CDX2: variants seen among roughly 807,000 people sequenced by gnomAD.
CDX2 encodes the protein homeobox protein CDX-2.
A neutral mutation model predicts 25.5 loss-of-function variants in CDX2; 7 were observed. That is an observed-to-expected ratio of 0.27 (90% confidence interval 0.16 to 0.52). The LOEUF is 0.52. CDX2 is among the 20% of genes least tolerant of loss of function. The probability of loss-of-function intolerance (pLI) is 0.97; values close to 1 mark genes in which losing one functional copy is unlikely to be tolerated. For synonymous variants in CDX2, 222 were observed against 198.6 expected, an observed-to-expected ratio of 1.12 and a Z score of -0.99; for missense variants, 375 against 431.4, an observed-to-expected ratio of 0.87 and a Z score of 1.16.
At chr13:27,968,169 C>T (rs1012096667) in intron 1 of CDX2, among the ~76,000 whole-genome samples, 2 of 152,212 alleles carry the variant, frequency 1.3e-5, no homozygotes, top group African/African-American at 4.8e-5. Context: ...GTGCTCACGC[C>T]GACATTCCCC....
chr13:27,965,975 C>T (rs1320556982), intron 1 of CDX2, among the ~76,000 whole-genome samples: 1 of 152,170 alleles, frequency 6.6e-6, no homozygotes, highest in Non-Finnish European at 1.5e-5. Flanking sequence ...ATCTGAAGGG[C>T]CTGGGAGTTG....
Position 27,969,100 on chromosome 13 carries a change from T to TA in CDX2, c.-95_-94insT, listed in dbSNP as rs923451857. 1 of 945,410 alleles carries TA rather than the reference T, an allele frequency of 1.1e-6. No individual in the cohort carries two copies. Among genetic ancestry groups the TA allele is most frequent in the African/African-American group, 1.7e-5 (1 of 58,294 alleles). The allele number at this position is 945,410 out of a possible 1,614,324, so 58.6% of individuals were successfully genotyped here. A position where few individuals can be genotyped will look rare whatever the true frequency, so the allele number is the denominator to read the frequency against. On this transcript the variant is annotated 5_prime_UTR_variant, in exon 1 of 3. Transcript: ENST00000381020. ...CACGAAGGGAAAGGGGCGAGGGGACTCGAGGAGCGGCGGGTGGCTGCGCCC... is the reference window on the plus strand; with the variant it reads ...CACGAAGGGAAAGGGGCGAGGGGACTACGAGGAGCGGCGGGTGGCTGCGCCC...
chr13:27,962,787 A>C lies in CDX2; in HGVS notation c.*328T>G. ...TGCAGCCTGCAGATCTAGGAAGAGAAGAGCTGGGGAGGAGGATGAAGGCCT... is the reference window on the plus strand; with the variant it reads ...TGCAGCCTGCAGATCTAGGAAGAGACGAGCTGGGGAGGAGGATGAAGGCCT... On this transcript the variant is annotated 3_prime_UTR_variant, in exon 3 of 3. Transcript: ENST00000381020. 1 of 281,532 alleles carries C rather than the reference A, an allele frequency of 3.6e-6. No homozygotes were observed. The allele number at this position is 281,532 out of a possible 1,614,324, so 17.4% of individuals were successfully genotyped here.
chr13:27,968,449 G>A lies in CDX2; in HGVS notation c.541+17C>T. On this transcript the variant is annotated intron_variant, in intron 1 of 2. Transcript: ENST00000381020. ...GCCTTCCCAAGCACCCTCCGAAGGG[G>A]CGCAGCCTCTGCTTACCTTGGCTGC... 6.6e-7 allele frequency: 1 copy of A among 1,515,722 alleles called. No homozygotes were observed. Among genetic ancestry groups the A allele is most frequent in the Non-Finnish European group, 8.7e-7 (1 of 1,146,670 alleles). The allele number at this position is 1,515,722 out of a possible 1,614,324, so 93.9% of individuals were successfully genotyped here.
chr13:27,966,859 TC>T (rs1165037035), intron 1 of CDX2, among the ~76,000 whole-genome samples: 1 of 150,616 alleles, frequency 6.6e-6, no homozygotes, highest in Admixed American at 6.6e-5. Flanking sequence ...CCAGGCCGCG[TC>T]CCCCCCTCCA....
Position 27,963,229 on chromosome 13 carries a change from T to C in CDX2, c.828A>G (p.Arg276=), listed in dbSNP as rs1394783537. The C allele has an allele frequency of 1.2e-6, 2 of 1,614,178 alleles. No homozygotes were observed. Among genetic ancestry groups the C allele is most frequent in the Non-Finnish European group, 8.5e-7 (1 of 1,180,044 alleles). The part of the protein sequence containing the change: ...QPPQPQPGPL[R]SVPEPLSPVS... ...CCGGACTCAAGGGCTCTGGGACACT[T>C]CTCAGAGGACCTGGCTGAGGCTGGG... The change falls in exon 3 of 3, where the codon AGA becomes AGG. Residue 276 remains arginine, a synonymous_variant. Coordinates refer to ENST00000381020, the MANE Select transcript of CDX2 (RefSeq NM_001265.6).
rs1186525393 is a variant in CDX2 at position 27,968,584 on chromosome 13, G to A, written c.423C>T (p.Asn141=). Reference sequence around the variant, plus strand: ...TGGCGGCGGGCCCAGGAGGGCCGGGGTTGAGCGTTTGCAGCAGCCCAGAAG... The same window carrying A: ...TGGCGGCGGGCCCAGGAGGGCCGGGATTGAGCGTTTGCAGCAGCCCAGAAG... ...SCASGLLQTL[N]PGPPGPAATA... Residue 141 remains asparagine, a synonymous_variant, in exon 1 of 3, where the codon AAC becomes AAT. Coordinates refer to ENST00000381020, the MANE Select transcript of CDX2 (RefSeq NM_001265.6). 6.4e-7 allele frequency: 1 copy of A among 1,572,862 alleles called. No homozygotes were observed. The highest frequency in any genetic ancestry group is 1.1e-5 in the South Asian group (1 of 87,938).
intron 1 of CDX2, among the ~76,000 whole-genome samples, chr13:27,966,554 C>T (rs1869335907): frequency 6.6e-6 from 1 of 152,220 alleles, no homozygotes; most frequent in Admixed American, 6.5e-5. Flanking sequence ...CAGCCGAACA[C>T]CCCGGGAGGG....
At position 27,963,052 on chromosome 13, in the gene CDX2, A is replaced by G. The variant is rs914745843; in HGVS notation, c.*63T>C. On this transcript the variant is annotated 3_prime_UTR_variant, in exon 3 of 3. Coordinates refer to ENST00000381020, the MANE Select transcript of CDX2 (RefSeq NM_001265.6). Reference sequence around the variant, plus strand: ...GGGAGGGGTCTCTCCTGAGGAGTCTAGCAGAGTCCACGCTCCTCATGGCTC... The same window carrying G: ...GGGAGGGGTCTCTCCTGAGGAGTCTGGCAGAGTCCACGCTCCTCATGGCTC... 152 of 1,548,618 alleles carry G rather than the reference A, an allele frequency of 9.8e-5. No individual in the cohort carries two copies. The highest frequency in any genetic ancestry group is 1.3e-4 in the Admixed American group (7 of 53,412).
Position 27,963,334 on chromosome 13 carries a change from C to T in CDX2, c.723G>A (p.Glu241=), listed in dbSNP as rs777753324. The part of the protein sequence containing the change: ...KIWFQNRRAK[E]RKINKKKLQQ... Reference sequence around the variant, plus strand: ...GCAACTTCTTCTTGTTGATTTTCCTCTCCTTTGCTCTGCGGTTCTGAAACC... The same window carrying T: ...GCAACTTCTTCTTGTTGATTTTCCTTTCCTTTGCTCTGCGGTTCTGAAACC... Residue 241 remains glutamate (E), a synonymous_variant, in exon 3 of 3, where the codon GAG becomes GAA. Coordinates refer to ENST00000381020, the MANE Select transcript of CDX2 (RefSeq NM_001265.6). 3.1e-6 allele frequency: 5 copies of T among 1,609,074 alleles called. No individual in the cohort carries two copies. Among genetic ancestry groups the T allele is most frequent in the Non-Finnish European group, 3.4e-6 (4 of 1,176,814 alleles).
In CDX2 at chr13:27,962,199, C is replaced by A. The variant is rs1327897277; in HGVS notation, c.*916G>T. 8.6e-6 allele frequency: 2 copies of A among 232,808 alleles called. No individual in the cohort carries two copies. The highest frequency in any genetic ancestry group is 1.7e-5 in the Non-Finnish European group (2 of 117,586). 14.4% of individuals were successfully genotyped at this position (232,808 alleles called of 1,614,324 possible). ...GAAAAAATTCAACTGTGTTCAAATA[C>A]TCCCCACTTCCCTTCACCATATCAC... On this transcript the variant is annotated 3_prime_UTR_variant, in exon 3 of 3. Transcript: ENST00000381020.
Position 27,968,526 on chromosome 13 carries a change from G to A in CDX2, c.481C>T (p.Gln161Ter). 6.4e-7 allele frequency: 1 copy of A among 1,564,712 alleles called. No homozygotes were observed. The highest frequency in any genetic ancestry group is 1.8e-5 in the Admixed American group (1 of 55,618). ...ATCCACTCGCACAGGTTCCGCCGCTGGCCGCCGGGAGACAGCTGCTCGGCG... is the reference window on the plus strand; with the variant it reads ...ATCCACTCGCACAGGTTCCGCCGCTAGCCGCCGGGAGACAGCTGCTCGGCG... ...AAAEQLSPGG[Q>*]RRNLCEWMRK... Residue 161 changes from glutamine to a stop codon, truncating the protein, a stop_gained, in exon 1 of 3, where the codon CAG (glutamine) becomes TAG (stop). Coordinates refer to ENST00000381020, the MANE Select transcript of CDX2 (RefSeq NM_001265.6). LOFTEE classifies it high-confidence loss of function.
At chr13:27,965,166 C>T in intron 1 of CDX2, 151 bp from the exon 2 acceptor site, 1 of 757,990 alleles carries the variant, frequency 1.3e-6, no homozygotes, top group Non-Finnish European at 2.1e-6. Context: ...CTGACAAGAC[C>T]CCCCAGAGGG....
In CDX2 at chr13:27,963,375, A is replaced by T. The variant is rs374108002; in HGVS notation, c.688-6T>A. The T allele has an allele frequency of 9.1e-5, 142 of 1,559,506 alleles. No individual in the cohort carries two copies. In the African/African-American group the frequency reaches 1.1e-3, roughly 12 times the overall value. Reference sequence around the variant, plus strand: ...TTCTGAAACCAGATTTTAACCTAGAAATGGAAAGGTGGAGAAAAGCACATT... The same window carrying T: ...TTCTGAAACCAGATTTTAACCTAGATATGGAAAGGTGGAGAAAAGCACATT... On this transcript the variant is annotated splice_polypyrimidine_tract_variant and splice_region_variant and intron_variant, in intron 2 of 2. Transcript: ENST00000381020.
At chr13:27,967,184 G>A in intron 1 of CDX2, 1 of 442,450 alleles carries the variant, frequency 2.3e-6, no homozygotes, top group South Asian at 1.8e-5. Context: ...TGGGAGCCAG[G>A]ATCTGGGAGC....
In CDX2 at chr13:27,968,475, C is replaced by G. The variant is rs1869446280; in HGVS notation, c.532G>C (p.Gly178Arg). 1.9e-6 allele frequency: 3 copies of G among 1,553,452 alleles called. No homozygotes were observed. Among genetic ancestry groups the G allele is most frequent in the South Asian group, 1.2e-5 (1 of 85,918 alleles). The change falls in exon 1 of 3, where the codon GGC (glycine) becomes CGC (arginine). Residue 178 changes from glycine to arginine, a missense_variant. This residue lies in a region of CDX2 where 64 missense variants were observed against 124.6 expected (regional missense o/e 0.51). Coordinates refer to ENST00000381020, the MANE Select transcript of CDX2 (RefSeq NM_001265.6). ...WMRKPAQQSL[G>R]SQVKTRTKDK... is the part of the protein sequence containing the mutation. ...CGCAGCCTCTGCTTACCTTGGCTGC[C>G]GAGGGACTGCTGCGCCGGCTTCCGC... is the stretch of plus-strand genomic sequence containing the variant.
intron 1 of CDX2, among the ~76,000 whole-genome samples, chr13:27,967,092 C>T (rs537369483): frequency 6.6e-6 from 1 of 152,244 alleles, no homozygotes; most frequent in Non-Finnish European, 1.5e-5. Context: ...GCCGCTCTCC[C>T]GGGACACGCA....
Position 27,961,845 on chromosome 13 carries a change from C to A in CDX2, c.*1270G>T, listed in dbSNP as rs557159640. Reference sequence around the variant, plus strand: ...ATGAGGGGGCCCTCTCACCCCCACCCCCCATAATTTCTGACTGCTGGGAAG... The same window carrying A: ...ATGAGGGGGCCCTCTCACCCCCACCACCCATAATTTCTGACTGCTGGGAAG... On this transcript the variant is annotated 3_prime_UTR_variant, in exon 3 of 3. Transcript: ENST00000381020. Among the ~76,000 whole-genome samples, 1 of 152,196 alleles carries A rather than the reference C, an allele frequency of 6.6e-6. No individual in the cohort carries two copies. Among genetic ancestry groups the A allele is most frequent in the Non-Finnish European group, 1.5e-5 (1 of 68,000 alleles).
At chr13:27,966,901 G>T in intron 1 of CDX2, among the ~76,000 whole-genome samples, 1 of 148,904 alleles carries the variant, frequency 6.7e-6, no homozygotes, top group Non-Finnish European at 1.5e-5. Flanking sequence ...ACGCTCCGCA[G>T]AGGAGCCCGG....
Sources: gnomAD v4.1 joint callset for allele counts (sites outside exome capture counted in the v4.1 genomes callset) on GRCh38, gnomAD v4.1.1 for gene constraint, gnomAD v4.1.1 regional missense constraint, MANE v1.5 for transcripts, NCBI Gene and HGNC (gene_info 2026-07-23, HGNC 2026-07-21) for gene names.